GNAL: variants seen among roughly 807,000 people sequenced by gnomAD.
GNAL encodes guanine nucleotide-binding protein G(olf) subunit alpha.
Under a neutral mutation model 55.1 loss-of-function variants are expected in GNAL, and 18 were observed. The observed-to-expected ratio is 0.33, with a 90% CI of 0.23 to 0.48. The LOEUF is 0.48. GNAL is among the 20% of genes least tolerant of loss of function. GNAL has a pLI of 0.99. For synonymous variants in GNAL, 253 were observed against 237.0 expected (o/e 1.07, Z -0.62); for missense variants, 412 against 614.1 (o/e 0.67, Z 3.48).
chr18:11,809,244 C>T (rs1281607634), intron 4 of GNAL, among the ~76,000 whole-genome samples: 3 of 149,640 alleles, frequency 2.0e-5, no homozygotes, highest in Non-Finnish European at 3.0e-5. Context: ...GGCGACAGAG[C>T]GAGACTCTAT....
intron 4 of GNAL, among the ~76,000 whole-genome samples, chr18:11,792,986 A>G (rs2034278472): frequency 6.6e-6 from 1 of 152,204 alleles, no homozygotes; most frequent in Admixed American, 6.5e-5. Context: ...TAATTCTAAG[A>G]GACATATATA....
At chr18:11,726,666 T>G (rs2143423880) in intron 1 of GNAL, among the ~76,000 whole-genome samples, 1 of 152,310 alleles carries the variant, frequency 6.6e-6, no homozygotes, top group South Asian at 2.1e-4. Flanking sequence ...GGGGTAGGCT[T>G]TCAGCATGGA....
intron 1 of GNAL, among the ~76,000 whole-genome samples, chr18:11,691,824 G>A (rs2031256668): frequency 6.6e-6 from 1 of 152,202 alleles, no homozygotes. Flanking sequence ...AGAACCAGCT[G>A]CACGAAAGGG....
chr18:11,818,456 T>C (rs913556976), intron 4 of GNAL, among the ~76,000 whole-genome samples: 2 of 152,220 alleles, frequency 1.3e-5, no homozygotes, highest in African/African-American at 4.8e-5. Context: ...TTTCTAAGGC[T>C]CATGTGATTA....
At chr18:11,761,336 C>T (rs1476128946) in intron 4 of GNAL, among the ~76,000 whole-genome samples, 1 of 152,202 alleles carries the variant, frequency 6.6e-6, no homozygotes, top group Non-Finnish European at 1.5e-5. Flanking sequence ...CCTGACTGCT[C>T]AGGAATCCTC....
chr18:11,788,347 C>T (rs2034118549), intron 4 of GNAL, among the ~76,000 whole-genome samples: 1 of 152,146 alleles, frequency 6.6e-6, no homozygotes, highest in Admixed American at 6.6e-5. Flanking sequence ...AAGGCATAAC[C>T]AGAGTTAAGA....
At chr18:11,877,866 G>A (rs76862629) in intron 11 of GNAL, among the ~76,000 whole-genome samples, 1,554 of 152,278 alleles carry the variant, frequency 0.01, 22 homozygotes, top group African/African-American at 0.034. Flanking sequence ...GAGGACAAGA[G>A]TTCCCCCAGA....
intron 4 of GNAL, among the ~76,000 whole-genome samples, chr18:11,783,033 C>CA (rs2033963236): frequency 6.6e-6 from 1 of 152,230 alleles, no homozygotes; most frequent in South Asian, 2.1e-4. Context: ...GAATATCAAC[C>CA]AACATTTGTA....
At position 11,751,072 on chromosome 18, in the gene GNAL, G is replaced by A. The variant is rs1218550033; in HGVS notation, c.377-1781G>A. 3.3e-5 allele frequency among the ~76,000 whole-genome samples: 5 copies of A among 152,226 alleles called. No individual in the cohort carries two copies. In the South Asian group the frequency reaches 1.0e-3, roughly 32 times the overall value. On this transcript the variant is annotated intron_variant, in intron 1 of 11. Transcript: ENST00000334049. The surrounding 1 kb of genome is among the most constrained non-coding windows in gnomAD (Gnocchi z 4.5). The stretch of plus-strand genomic sequence containing the variant: ...GACCGTGTAGGTTTCTTGGAAGGTG[G>A]AGGCACTCGACGACAGAGCTGAGCA...
intron 7 of GNAL, among the ~76,000 whole-genome samples, 184 bp from the exon 8 acceptor site, chr18:11,866,984 A>G (rs1414742909): frequency 6.6e-6 from 1 of 152,108 alleles, no homozygotes; most frequent in African/African-American, 2.4e-5. Flanking sequence ...TGCGGCTGAG[A>G]GAGGTGGAGC....
At chr18:11,810,832 G>T (rs2034794137) in intron 4 of GNAL, 1 of 152,214 alleles carries the variant, frequency 6.6e-6, no homozygotes, top group East Asian at 1.9e-4. Context: ...ACATTTTCTT[G>T]GGCCGTTCCT....
chr18:11,797,262 G>T (rs1568031949), intron 4 of GNAL, among the ~76,000 whole-genome samples: 1 of 152,200 alleles, frequency 6.6e-6, no homozygotes, highest in East Asian at 1.9e-4. Flanking sequence ...CATCTTTAAG[G>T]CTTTTGATTT....
In GNAL at chr18:11,880,529, T is replaced by C. The variant is rs540844640; in HGVS notation, c.1231-460T>C. Reference sequence around the variant, plus strand: ...GGTGGAGGTTGCAGTGAGCCAAGACTGCACCACTGCACTCCAGCCTGGGCA... The same window carrying C: ...GGTGGAGGTTGCAGTGAGCCAAGACCGCACCACTGCACTCCAGCCTGGGCA... On this transcript the variant is annotated intron_variant, in intron 11 of 11. Transcript: ENST00000334049. Among the ~76,000 whole-genome samples the C allele has an allele frequency of 2.0e-5, 3 of 148,764 alleles. No individual in the cohort carries two copies. The South Asian group carries it at 6.4e-4, about 32-fold the overall frequency.
rs540528875 is a variant in GNAL at position 11,845,024 on chromosome 18, C to G, written c.723-17371C>G. Among the ~76,000 whole-genome samples the G allele has an allele frequency of 2.0e-5, 3 of 152,214 alleles. No homozygotes were observed. The South Asian group carries it at 6.2e-4, about 32-fold the overall frequency. On this transcript the variant is annotated intron_variant, in intron 5 of 11. Coordinates refer to ENST00000334049, the MANE Select transcript of GNAL (RefSeq NM_182978.4). ...GGGACTACAGGCATGTGCCACCACACCCGGCTGATTTTTGTATTTTTAGTA... is the reference window on the plus strand; with the variant it reads ...GGGACTACAGGCATGTGCCACCACAGCCGGCTGATTTTTGTATTTTTAGTA...
At chr18:11,754,412 C>T (rs1428066580) in intron 4 of GNAL, among the ~76,000 whole-genome samples, 1 of 147,942 alleles carries the variant, frequency 6.8e-6, no homozygotes, top group Non-Finnish European at 1.5e-5. Flanking sequence ...GCGAGACTCC[C>T]ATCTCAAAAA....
intron 5 of GNAL, among the ~76,000 whole-genome samples, chr18:11,843,470 A>T (rs552199376): frequency 6.6e-6 from 1 of 152,182 alleles, no homozygotes; most frequent in East Asian, 1.9e-4. Flanking sequence ...GGTTGCAGTG[A>T]GCTGAGATCG....
chr18:11,821,157 TG>T (rs1455175593), intron 4 of GNAL, among the ~76,000 whole-genome samples: 1 of 152,368 alleles, frequency 6.6e-6, no homozygotes, highest in East Asian at 1.9e-4. Context: ...TACAGACCTG[TG>T]GGAATCCTCA....
At chr18:11,757,064 CTT>C (rs1301174575) in intron 4 of GNAL, among the ~76,000 whole-genome samples, 1 of 151,952 alleles carries the variant, frequency 6.6e-6, no homozygotes, top group Non-Finnish European at 1.5e-5. Context: ...AGAAGAATAA[CTT>C]ATCTTAGAAA....
intron 1 of GNAL, among the ~76,000 whole-genome samples, chr18:11,740,294 A>G (rs2032549688): frequency 6.6e-6 from 1 of 151,934 alleles, no homozygotes; most frequent in Non-Finnish European, 1.5e-5. Context: ...CCGACATAAC[A>G]GTGTTCCAGG....
Sources: gnomAD v4.1 joint callset for allele counts (sites outside exome capture counted in the v4.1 genomes callset) on GRCh38, gnomAD v4.1.1 for gene constraint, Gnocchi (gnomAD v3.1) non-coding constraint, MANE v1.5 for transcripts, NCBI Gene and HGNC (gene_info 2026-07-23, HGNC 2026-07-21) for gene names.